TSC22D1: variants seen among roughly 807,000 people sequenced by gnomAD.
TSC22D1 encodes the protein TSC22 domain family protein 1.
Under a neutral mutation model 74.2 loss-of-function variants are expected in TSC22D1, and 9 were observed. The ratio of observed to expected loss-of-function variants is 0.12; its 90% CI spans 0.07 to 0.21. TSC22D1 has a LOEUF of 0.21. Among genes scored for constraint, TSC22D1 ranks in the 10% least tolerant of loss-of-function variants. The probability of loss-of-function intolerance (pLI) is 1.00; values close to 1 mark genes in which losing one functional copy is unlikely to be tolerated. For missense variants in TSC22D1, 1,427 were observed against 1,304.7 expected (o/e 1.09, Z -1.44); for synonymous variants, 586 against 492.5 (o/e 1.19, Z -2.51).
chr13:44,439,087 C>G (rs1044607522), intron 1 of TSC22D1, among the ~76,000 whole-genome samples: 1 of 152,290 alleles, frequency 6.6e-6, no homozygotes, highest in South Asian at 2.1e-4. Flanking sequence ...TTATTTCAAT[C>G]ATTTTAACTG....
intron 1 of TSC22D1, among the ~76,000 whole-genome samples, chr13:44,555,606 A>AAAATAAATAAAT (rs200171817): frequency 2.1e-4 from 32 of 151,926 alleles, no homozygotes; most frequent in African/African-American, 7.0e-4. Flanking sequence ...ACCCTGTCTA[A>AAAATAAATAAAT]AAATAAATAA....
chr13:44,441,754 A>G (rs1875224037), intron 1 of TSC22D1, among the ~76,000 whole-genome samples: 1 of 152,210 alleles, frequency 6.6e-6, no homozygotes, highest in Non-Finnish European at 1.5e-5. Context: ...ATGTACATGT[A>G]TTTTGATTAA....
chr13:44,442,558 T>C (rs1875285016), intron 1 of TSC22D1, among the ~76,000 whole-genome samples: 1 of 151,952 alleles, frequency 6.6e-6, no homozygotes, highest in Non-Finnish European at 1.5e-5. Context: ...AGGACAGAAG[T>C]AGTATTAGTG....
chr13:44,514,187 A>G (rs981088982), intron 1 of TSC22D1, among the ~76,000 whole-genome samples: 3 of 152,178 alleles, frequency 2.0e-5, no homozygotes, highest in African/African-American at 7.2e-5. Flanking sequence ...AGCCATCTGC[A>G]AAAAAATACA....
chr13:44,492,373 T>G (rs1878767216), intron 1 of TSC22D1, among the ~76,000 whole-genome samples: 1 of 152,194 alleles, frequency 6.6e-6, no homozygotes. Flanking sequence ...TGTACAGTTT[T>G]TACTGAATGT....
intron 1 of TSC22D1, among the ~76,000 whole-genome samples, chr13:44,455,244 T>G (rs190114480): frequency 2.4e-4 from 36 of 152,152 alleles, no homozygotes; most frequent in African/African-American, 8.4e-4. Context: ...AGAGAGATGA[T>G]GGGATTAGTC....
At chr13:44,550,380 G>A (rs9567444) in intron 1 of TSC22D1, among the ~76,000 whole-genome samples, 54,417 of 151,804 alleles carry the variant, frequency 0.36, 11,537 homozygotes, top group Middle Eastern at 0.56. Flanking sequence ...TCAGGAGTTC[G>A]AGACCAGCCT....
At chr13:44,550,772 C>T (rs1279311097) in intron 1 of TSC22D1, among the ~76,000 whole-genome samples, 1 of 151,478 alleles carries the variant, frequency 6.6e-6, no homozygotes, top group Non-Finnish European at 1.5e-5. Context: ...AGTGAGACTC[C>T]ATCTCTACAA....
At chr13:44,547,569 CCTT>C (rs1183555036) in intron 1 of TSC22D1, among the ~76,000 whole-genome samples, 8 of 151,854 alleles carry the variant, frequency 5.3e-5, no homozygotes, top group Admixed American at 2.0e-4. Context: ...AAACTGAAGA[CCTT>C]CTCCTCATTT....
At position 44,535,821 on chromosome 13, in the gene TSC22D1, A is replaced by C. The variant is rs993271843; in HGVS notation, c.2912+37342T>G. The stretch of plus-strand genomic sequence containing the variant: ...TTGAAGGTTACTGATGATGTAGAGG[A>C]GAGTCTATGTTTTAAAAATTACTTT... On this transcript the variant is annotated intron_variant, in intron 1 of 2. Coordinates refer to ENST00000458659, the MANE Select transcript of TSC22D1 (RefSeq NM_183422.4). 3.9e-5 allele frequency among the ~76,000 whole-genome samples: 6 copies of C among 151,950 alleles called. No individual in the cohort carries two copies. The South Asian group carries it at 1.2e-3, about 31-fold the overall frequency.
At chr13:44,456,994 T>G (rs141008919) in intron 1 of TSC22D1, among the ~76,000 whole-genome samples, 33 of 152,368 alleles carry the variant, frequency 2.2e-4, no homozygotes, top group African/African-American at 7.5e-4. Flanking sequence ...AGATCAGGCT[T>G]TTTAAAATTA....
intron 1 of TSC22D1, among the ~76,000 whole-genome samples, chr13:44,460,841 G>A (rs557096835): frequency 1.3e-5 from 2 of 152,092 alleles, no homozygotes; most frequent in African/African-American, 4.8e-5. Flanking sequence ...GTAGTTACTG[G>A]GCTTCTTTCG....
intron 1 of TSC22D1, among the ~76,000 whole-genome samples, chr13:44,568,717 AAGGAAAGGTTCTAC>A (rs1428883572): frequency 5.9e-5 from 9 of 152,322 alleles, no homozygotes; most frequent in African/African-American, 2.2e-4. Flanking sequence ...CCAGACATCT[AAGGAAAGGTTCTAC>A]AGGAAAGGTA....
rs1874111187 is a variant in TSC22D1, at chr13:44,432,302, A to C, written c.*2324T>G. ...TTAATACACTGACATGAGATTTTTCAAATTTTCCACGATTACCACCTATGG... is the reference window on the plus strand; with the variant it reads ...TTAATACACTGACATGAGATTTTTCCAATTTTCCACGATTACCACCTATGG... On this transcript the variant is annotated 3_prime_UTR_variant, in exon 3 of 3. Coordinates refer to ENST00000458659, the MANE Select transcript of TSC22D1 (RefSeq NM_183422.4). The C allele has an allele frequency of 6.6e-6, 1 of 152,228 alleles. No homozygotes were observed. Among genetic ancestry groups the C allele is most frequent in the African/African-American group, 2.4e-5 (1 of 41,464 alleles). 9.4% of individuals were successfully genotyped at this position (152,228 alleles called of 1,614,324 possible). A position where few individuals can be genotyped will look rare whatever the true frequency, so the allele number is the denominator to read the frequency against.
intron 1 of TSC22D1, among the ~76,000 whole-genome samples, chr13:44,444,204 G>A (rs1208907439): frequency 7.1e-6 from 1 of 140,150 alleles, no homozygotes; most frequent in Non-Finnish European, 1.5e-5. Context: ...GCTTGAACCT[G>A]GGAGGCAGAG....
intron 1 of TSC22D1, among the ~76,000 whole-genome samples, chr13:44,520,740 G>A (rs1880275185): frequency 6.6e-6 from 1 of 152,126 alleles, no homozygotes; most frequent in South Asian, 2.1e-4. Context: ...CAGAATGAAG[G>A]ATATCCCATC....
At position 44,575,334 on chromosome 13, in the gene TSC22D1, T is replaced by G. The variant is rs574017086; in HGVS notation, c.741A>C (p.Ala247=). ...TTGAGGGTGGCCCACCAGTAATGGA[T>G]GCACTGGCCACAGCAACATGAGATG... The part of the protein sequence containing the change: ...HHPSHVAVAS[A]SITGGPPSSP... Residue 247 remains alanine (A), a synonymous_variant, in exon 1 of 3, where the codon GCA becomes GCC. Coordinates refer to ENST00000458659, the MANE Select transcript of TSC22D1 (RefSeq NM_183422.4). 1.2e-4 allele frequency: 197 copies of G among 1,614,194 alleles called. 4 individuals carry two copies. The South Asian group carries it at 2.1e-3, about 17-fold the overall frequency.
chr13:44,450,744 C>G (rs1046511780), intron 1 of TSC22D1, among the ~76,000 whole-genome samples: 6 of 152,132 alleles, frequency 3.9e-5, no homozygotes, highest in African/African-American at 1.4e-4. Context: ...ATAGGCCTTA[C>G]TAGGCAGTGG....
chr13:44,476,934 G>T (rs1169179392), intron 1 of TSC22D1, among the ~76,000 whole-genome samples: 1 of 151,998 alleles, frequency 6.6e-6, no homozygotes, highest in East Asian at 1.9e-4. Context: ...CTCCCAAAGT[G>T]CTGGGATTAC....
Sources: gnomAD v4.1 joint callset for allele counts (sites outside exome capture counted in the v4.1 genomes callset) on GRCh38, gnomAD v4.1.1 for gene constraint, MANE v1.5 for transcripts, NCBI Gene and HGNC (gene_info 2026-07-23, HGNC 2026-07-21) for gene names.